The following ACOT11 variants were observed in gnomAD, a reference collection of about 807,000 sequenced individuals.
The protein encoded by ACOT11 is acyl-CoA thioesterase 11, also known as acyl-coenzyme A thioesterase 11.
A neutral mutation model predicts 77.5 loss-of-function variants in ACOT11; 69 were observed. The observed-to-expected ratio is 0.89, with a 90% CI of 0.73 to 1.09. ACOT11 has a LOEUF of 1.09. Ranked by LOEUF, ACOT11 falls within the 50% of genes least tolerant of loss-of-function variation. The pLI is 0.00. For synonymous variants in ACOT11, 279 were observed against 313.0 expected, an observed-to-expected ratio of 0.89 and a Z score of 1.15; for missense variants, 766 against 813.7, an observed-to-expected ratio of 0.94 and a Z score of 0.71.
rs1643897577 is a variant in ACOT11 at position 54,597,185 on chromosome 1, T to G, written c.608-74T>G. On this transcript the variant is annotated intron_variant, in intron 6 of 15. Coordinates refer to ENST00000343744, the MANE Select transcript of ACOT11 (RefSeq NM_147161.4). ...GGTAGAGTGGTGGGGGTCCCAGGGC[T>G]GCCTGTGGGGAGGGGCTGCCCTTGG... 3 of 1,576,388 alleles carry G rather than the reference T, an allele frequency of 1.9e-6. No individual in the cohort carries two copies. The African/African-American group carries it at 4.0e-5, about 21-fold the overall frequency.
Position 54,550,692 on chromosome 1 carries a change from A to C in ACOT11, c.33+2350A>C, listed in dbSNP as rs999376499. On this transcript the variant is annotated intron_variant, in intron 1 of 15. Transcript: ENST00000343744. ...AAAATAGCTGGGCATAGTGGTGTGC[A>C]CCTGTGGACCCAGCTACTCGGGAGG... Among the ~76,000 whole-genome samples, 4 of 148,634 alleles carry C rather than the reference A, an allele frequency of 2.7e-5. No individual in the cohort carries two copies. The Admixed American group carries it at 2.7e-4, about 10-fold the overall frequency.
intron 1 of ACOT11, among the ~76,000 whole-genome samples, chr1:54,550,914 T>C (rs1452252999): frequency 1.3e-5 from 2 of 150,370 alleles, no homozygotes; most frequent in African/African-American, 4.9e-5. Context: ...CCGAGACGGG[T>C]GGATCACTTG....
At chr1:54,554,345 ATATATATTT>A (rs1653181832) in intron 1 of ACOT11, among the ~76,000 whole-genome samples, 2 of 100,530 alleles carry the variant, frequency 2.0e-5, no homozygotes, top group Admixed American at 1.0e-4. Context: ...ATATATATAT[ATATATATTT>A]TTTTTTTTTT....
intron 15 of ACOT11, chr1:54,623,229 G>T: frequency 8.1e-7 from 1 of 1,231,272 alleles, no homozygotes; most frequent in Non-Finnish European, 1.2e-6. Flanking sequence ...GGGATAAGGA[G>T]CGAGCGATGA....
intron 16 of ACOT11, among the ~76,000 whole-genome samples, chr1:54,632,408 G>C (rs1644304797): frequency 6.6e-6 from 1 of 152,120 alleles, no homozygotes; most frequent in South Asian, 2.1e-4. Context: ...CCTTGCCAGT[G>C]GGTACAATAG....
chr1:54,549,338 T>C (rs888483616), intron 1 of ACOT11, among the ~76,000 whole-genome samples: 3 of 152,294 alleles, frequency 2.0e-5, no homozygotes, highest in Non-Finnish European at 4.4e-5. Flanking sequence ...TGCCCATGCC[T>C]CCCTTTTTCT....
At chr1:54,548,890 T>C (rs1254060739) in intron 1 of ACOT11, among the ~76,000 whole-genome samples, 1 of 152,128 alleles carries the variant, frequency 6.6e-6, no homozygotes, top group Admixed American at 6.5e-5. Context: ...AAGAGAACTT[T>C]TCCCTGCGCT....
chr1:54,629,394 C>G lies in ACOT11; in HGVS notation c.1630-1340C>G, dbSNP rs1212896977. On this transcript the variant is annotated intron_variant, in intron 15 of 16. Transcript: ENST00000371316. ...CTCTGCCTCCCGGGTTCAAGTGATT[C>G]TCCTGCCTCGGCCTCCTGAGTAGCT... 1.5e-5 allele frequency among the ~76,000 whole-genome samples: 2 copies of G among 131,342 alleles called. 1 individual carries two copies. Among genetic ancestry groups the G allele is most frequent in the Non-Finnish European group, 3.4e-5 (2 of 58,284 alleles). The allele number at this position is 131,342 out of a possible 152,430, so 86.2% of individuals were successfully genotyped here. A position where few individuals can be genotyped will look rare whatever the true frequency, so the allele number is the denominator to read the frequency against.
chr1:54,633,592 A>T (rs1403541536), intron 16 of ACOT11, among the ~76,000 whole-genome samples: 2 of 152,252 alleles, frequency 1.3e-5, no homozygotes, highest in African/African-American at 4.8e-5. Context: ...AAGTGTTGCC[A>T]CAGTGCATGC....
chr1:54,603,927 C>G lies in ACOT11; in HGVS notation c.1142C>G (p.Pro381Arg), dbSNP rs780483734. The change falls in exon 11 of 16, where the codon CCT becomes CGT. Residue 381 changes from proline (P) to arginine (R), a missense_variant. Transcript: ENST00000343744. ...TEVPLSVPWD[P>R]SNQVYLSYNN... Reference sequence around the variant, plus strand: ...GTGCCCCTCTCCGTCCCCTGGGACCCTAGCAACCAGGTAAGGCTCTCTGCT... The same window carrying G: ...GTGCCCCTCTCCGTCCCCTGGGACCGTAGCAACCAGGTAAGGCTCTCTGCT... The G allele has an allele frequency of 1.9e-6, 3 of 1,613,964 alleles. No individual in the cohort carries two copies. The African/African-American group carries it at 4.0e-5, about 22-fold the overall frequency.
chr1:54,594,107 C>A (rs141555610), intron 5 of ACOT11, 68 bp downstream of exon 5: 513 of 1,454,654 alleles, frequency 3.5e-4, no homozygotes, highest in Middle Eastern at 5.3e-4. Context: ...GCGAGTCTGG[C>A]TCAGGGGAAT....
At chr1:54,554,344 TATATA>T (rs1653181426) in intron 1 of ACOT11, among the ~76,000 whole-genome samples, 1 of 105,250 alleles carries the variant, frequency 9.5e-6, no homozygotes, top group African/African-American at 3.3e-5. Flanking sequence ...TATATATATA[TATATA>T]TATTTTTTTT....
rs1356872566 is a variant in ACOT11, at chr1:54,626,756, G to T, written c.1630-3978G>T. Among the ~76,000 whole-genome samples, 5 of 135,580 alleles carry T rather than the reference G, an allele frequency of 3.7e-5. 2 individuals carry two copies. The highest frequency in any genetic ancestry group is 1.7e-5 in the Non-Finnish European group (1 of 59,672). 88.9% of individuals were successfully genotyped at this position (135,580 alleles called of 152,430 possible). ...TTTTGAAAGAAAAATCAAGAACTTAGTTCTTACGGTCCATGAGGGCACCCC... is the reference window on the plus strand; with the variant it reads ...TTTTGAAAGAAAAATCAAGAACTTATTTCTTACGGTCCATGAGGGCACCCC... On this transcript the variant is annotated intron_variant, in intron 15 of 16. Transcript: ENST00000371316.
chr1:54,564,544 C>A (rs1395259716), intron 1 of ACOT11, among the ~76,000 whole-genome samples: 1 of 152,230 alleles, frequency 6.6e-6, no homozygotes, highest in Non-Finnish European at 1.5e-5. Context: ...AGGGGAGTGG[C>A]CTTGGGACTT....
intron 3 of ACOT11, among the ~76,000 whole-genome samples, chr1:54,589,317 C>CTTTT (rs397863314): frequency 2.4e-5 from 3 of 124,396 alleles, no homozygotes; most frequent in Non-Finnish European, 3.4e-5. Flanking sequence ...ATGCCTGGCC[C>CTTTT]TTTTTTTTTT....
At position 54,601,295 on chromosome 1, in the gene ACOT11, C is replaced by A. The variant is rs770651617; in HGVS notation, c.911C>A (p.Ala304Asp). The A allele has an allele frequency of 6.2e-7, 1 of 1,612,640 alleles. No individual in the cohort carries two copies. The highest frequency in any genetic ancestry group is 8.5e-7 in the Non-Finnish European group (1 of 1,179,992). ...ATGGAGGTGGGCGTGTGCGTGGAGG[C>A]CTATCGCCAGGAGGCTGAGACCCAC... ...HSMEVGVCVE[A>D]YRQEAETHRR... Residue 304 changes from alanine to aspartate, a missense_variant, in exon 9 of 16, where the codon GCC becomes GAC. Ala to Asp is a moderately radical substitution (Grantham distance 126). Coordinates refer to ENST00000343744, the MANE Select transcript of ACOT11 (RefSeq NM_147161.4).
chr1:54,605,705 TATTTTTGAATATA>T (rs1442270791), intron 13 of ACOT11, among the ~76,000 whole-genome samples: 1 of 152,230 alleles, frequency 6.6e-6, no homozygotes, highest in African/African-American at 2.4e-5. Flanking sequence ...ACAAATATAT[TATTTTTGAATATA>T]ATGAATGATT....
chr1:54,592,107 C>G (rs932677264), intron 3 of ACOT11, among the ~76,000 whole-genome samples: 3 of 152,150 alleles, frequency 2.0e-5, no homozygotes, highest in African/African-American at 7.2e-5. Context: ...ATGACCCTTA[C>G]CCTAGTAGAG....
At chr1:54,619,736 C>G in intron 15 of ACOT11, 1 of 956,646 alleles carries the variant, frequency 1.0e-6, no homozygotes, top group Non-Finnish European at 1.6e-6. Context: ...GCCCCTATTT[C>G]CTCATGCTGA....
Sources: gnomAD v4.1 joint callset for allele counts (sites outside exome capture counted in the v4.1 genomes callset) on GRCh38, gnomAD v4.1.1 for gene constraint, MANE v1.5 for transcripts, NCBI Gene and HGNC (gene_info 2026-07-23, HGNC 2026-07-21) for gene names.